TNFSF10: variants seen among roughly 807,000 people sequenced by gnomAD.
TNFSF10 encodes TNF superfamily member 10.
TNFSF10 carries 13 observed loss-of-function variants against 29.5 expected under a neutral mutation model. The ratio of observed to expected loss-of-function variants is 0.44; its 90% CI spans 0.29 to 0.70. TNFSF10 has a LOEUF of 0.70. TNFSF10 is among the 30% of genes least tolerant of loss of function. The pLI is 0.13. For missense variants in TNFSF10, 345 were observed against 330.9 expected (o/e 1.04, Z -0.33); for synonymous variants, 111 against 112.8 (o/e 0.98, Z 0.10).
chr3:172,512,870 C>T (rs1713282060), intron 2 of TNFSF10, among the ~76,000 whole-genome samples: 1 of 152,172 alleles, frequency 6.6e-6, no homozygotes, highest in African/African-American at 2.4e-5. Context: ...CTCTGTGAGA[C>T]TGTTCAAGTT....
At chr3:172,522,767 T>C (rs1466900617) in intron 1 of TNFSF10, among the ~76,000 whole-genome samples, 1 of 152,238 alleles carries the variant, frequency 6.6e-6, no homozygotes, top group African/African-American at 2.4e-5. Context: ...GTCATTGTTA[T>C]TTTTTTCCAT....
intron 4 of TNFSF10, among the ~76,000 whole-genome samples, chr3:172,508,108 C>CG (rs764801418): frequency 9.2e-5 from 14 of 151,630 alleles, no homozygotes; most frequent in South Asian, 4.2e-4. Context: ...TTTGGGAGGC[C>CG]GGGGGGGTGT....
Position 172,509,296 on chromosome 3 carries a change from T to C in TNFSF10, c.339A>G (p.Leu113=), listed in dbSNP as rs371310872. ...VQEKQQNISP[L]VRERGPQRVA... is the part of the protein sequence containing the mutation. ...CTCTCTGAGGACCTCTTTCTCTCAC[T>C]AGGGGAGAAATATTTTGTTGCTTTT... Residue 113 remains leucine (L), a synonymous_variant, in exon 4 of 5, where the codon CTA becomes CTG. Coordinates refer to ENST00000241261, the MANE Select transcript of TNFSF10 (RefSeq NM_003810.4). The C allele has an allele frequency of 6.2e-7, 1 of 1,613,608 alleles. No homozygotes were observed. The highest frequency in any genetic ancestry group is 1.3e-5 in the African/African-American group (1 of 74,930).
chr3:172,521,641 G>A (rs1713701860), intron 1 of TNFSF10, among the ~76,000 whole-genome samples: 1 of 152,178 alleles, frequency 6.6e-6, no homozygotes, highest in African/African-American at 2.4e-5. Flanking sequence ...AGACAGTGTG[G>A]CAATTCCTCA....
At chr3:172,515,857 A>G (rs1345110604) in intron 1 of TNFSF10, among the ~76,000 whole-genome samples, 1 of 151,116 alleles carries the variant, frequency 6.6e-6, no homozygotes, top group Non-Finnish European at 1.5e-5. Context: ...AGAAGGTCCA[A>G]ACAAAGCCAG....
intron 1 of TNFSF10, among the ~76,000 whole-genome samples, chr3:172,521,329 C>A (rs1038104931): frequency 6.6e-6 from 1 of 152,084 alleles, no homozygotes; most frequent in Non-Finnish European, 1.5e-5. Context: ...GCAGAATCTA[C>A]AAGGAATTTG....
At chr3:172,522,193 G>T (rs1302375172) in intron 1 of TNFSF10, 5 of 393,714 alleles carry the variant, frequency 1.3e-5, no homozygotes, top group African/African-American at 1.0e-4. Context: ...ACGTATCCCA[G>T]AACTTAAAGT....
At chr3:172,518,231 T>C (rs1387383432) in intron 1 of TNFSF10, 1 of 1,138,300 alleles carries the variant, frequency 8.8e-7, no homozygotes, top group African/African-American at 1.6e-5. Context: ...AAAAGAAAGC[T>C]CTTGCACTGG....
chr3:172,518,094 T>A, intron 1 of TNFSF10: 1 of 1,013,208 alleles, frequency 9.9e-7, no homozygotes, highest in South Asian at 3.8e-5. Context: ...CCTCCCATCC[T>A]TTCCACTTCA....
In TNFSF10 at chr3:172,506,337, G is replaced by T; in HGVS notation, c.*155C>A. On this transcript the variant is annotated 3_prime_UTR_variant, in exon 5 of 5. Coordinates refer to ENST00000241261, the MANE Select transcript of TNFSF10 (RefSeq NM_003810.4). ...AACAGTGTGTGTTGTAGAATTTTTT[G>T]GTTGTGGCTGCTCTACTCAGATTGC... 3.8e-6 allele frequency: 3 copies of T among 791,948 alleles called. No individual in the cohort carries two copies. The highest frequency in any genetic ancestry group is 5.8e-6 in the Non-Finnish European group (3 of 518,622). 49.1% of individuals were successfully genotyped at this position (791,948 alleles called of 1,614,324 possible).
intron 2 of TNFSF10, 120 bp downstream of exon 2, chr3:172,514,741 A>C (rs1713360399): frequency 7.4e-7 from 1 of 1,351,728 alleles, no homozygotes; most frequent in African/African-American, 1.5e-5. Flanking sequence ...CTCTGGGCCT[A>C]AGTTTTCTTA....
chr3:172,518,645 C>A (rs2108449721), intron 1 of TNFSF10, among the ~76,000 whole-genome samples: 1 of 152,322 alleles, frequency 6.6e-6, no homozygotes, highest in Admixed American at 6.5e-5. Context: ...GGTCTACAGG[C>A]TATTTGTGAA....
intron 3 of TNFSF10, among the ~76,000 whole-genome samples, chr3:172,510,969 C>T (rs1362858945): frequency 6.6e-6 from 1 of 152,010 alleles, no homozygotes; most frequent in East Asian, 1.9e-4. Flanking sequence ...GAAAGGTGTC[C>T]AGGGAAGCCC....
intron 1 of TNFSF10, chr3:172,517,491 AG>A: frequency 1.0e-6 from 1 of 972,406 alleles, no homozygotes; most frequent in Non-Finnish European, 1.2e-6. Context: ...AGCATGGAAA[AG>A]TAAAGAACAC....
At chr3:172,513,876 T>TC (rs1313401704) in intron 2 of TNFSF10, among the ~76,000 whole-genome samples, 24 of 151,930 alleles carry the variant, frequency 1.6e-4, no homozygotes, top group African/African-American at 5.6e-4. Context: ...TCTTGCTCTG[T>TC]TGCCCAGGCT....
At chr3:172,522,208 T>C in intron 1 of TNFSF10, 1 of 432,038 alleles carries the variant, frequency 2.3e-6, no homozygotes, top group Non-Finnish European at 4.3e-6. Flanking sequence ...TAAAGTAAAA[T>C]AAAAAAATTT....
chr3:172,515,023 A>T (rs372007566), intron 1 of TNFSF10, 25 bp from the exon 2 acceptor site: 21 of 1,613,146 alleles, frequency 1.3e-5, no homozygotes, highest in South Asian at 8.8e-5. Flanking sequence ...AATATAACAC[A>T]ATATTTTGCA....
In TNFSF10 at chr3:172,506,875, C is replaced by G. The variant is rs1713008749; in HGVS notation, c.463G>C (p.Glu155Gln). 1 of 1,613,626 alleles carries G rather than the reference C, an allele frequency of 6.2e-7. No individual in the cohort carries two copies. ...AATGAATGCCCACTCCTTGATGATT[C>G]CCAGGAGTTTATTTTGCGGCCCAGA... ...KALGRKINSW[E>Q]SSRSGHSFLS... Residue 155 changes from glutamate to glutamine, a missense_variant, in exon 5 of 5, where the codon GAA (glutamate) becomes CAA (glutamine). Physicochemically the swap from Glu to Gln is conservative, Grantham distance 29. Transcript: ENST00000241261.
intron 1 of TNFSF10, among the ~76,000 whole-genome samples, chr3:172,522,760 A>G (rs752739052): frequency 9.2e-5 from 14 of 152,174 alleles, no homozygotes; most frequent in Non-Finnish European, 1.8e-4. Flanking sequence ...TATTGTTGTC[A>G]TTGTTATTTT....
Sources: allele counts gnomAD v4.1 joint callset (sites outside exome capture counted in the v4.1 genomes callset), GRCh38; gene constraint gnomAD v4.1.1; transcripts MANE v1.5; gene names NCBI Gene and HGNC (gene_info 2026-07-23, HGNC 2026-07-21).